The following ARID5B variants were observed in gnomAD, a reference collection of about 807,000 sequenced individuals.
ARID5B encodes AT-rich interactive domain-containing protein 5B.
ARID5B carries 13 observed loss-of-function variants against 97.2 expected under a neutral mutation model. The observed-to-expected ratio is 0.13, with a 90% confidence interval of 0.09 to 0.21. ARID5B has a LOEUF of 0.21. ARID5B is among the 10% of genes least tolerant of loss of function. ARID5B has a pLI of 1.00. For missense variants in ARID5B, 1,210 were observed against 1,465.3 expected (o/e 0.83, Z 2.84); for synonymous variants, 556 against 570.3 (o/e 0.97, Z 0.36).
At chr10:61,992,282 C>T (rs113312868) in intron 3 of ARID5B, among the ~76,000 whole-genome samples, 3,520 of 152,178 alleles carry the variant, frequency 0.023, 126 homozygotes, top group African/African-American at 0.08. Flanking sequence ...AAGTGGCTCC[C>T]GGTCGTGGCT....
intron 7 of ARID5B, among the ~76,000 whole-genome samples, chr10:62,063,158 T>G (rs2132945941): frequency 6.6e-6 from 1 of 152,338 alleles, no homozygotes; most frequent in Middle Eastern, 3.4e-3. Flanking sequence ...TCTTTTAGTC[T>G]GTTTTTTGTA....
intron 4 of ARID5B, among the ~76,000 whole-genome samples, chr10:62,025,811 GAAA>G (rs750842683): frequency 5.4e-4 from 32 of 59,612 alleles, no homozygotes; most frequent in East Asian, 3.9e-3. Context: ...GAGTGGAAGC[GAAA>G]AAAAAAAAAA....
chr10:62,084,439 T>G (rs1482810014), intron 8 of ARID5B, among the ~76,000 whole-genome samples: 1 of 152,238 alleles, frequency 6.6e-6, no homozygotes, highest in Non-Finnish European at 1.5e-5. Context: ...AATCTTAGTT[T>G]AAAAATAATC....
intron 4 of ARID5B, among the ~76,000 whole-genome samples, chr10:62,032,163 T>C (rs117320062): frequency 0.021 from 3,192 of 151,958 alleles, 52 homozygotes; most frequent in Non-Finnish European, 0.032. Flanking sequence ...AATATAAAAA[T>C]AAAAAAGTAG....
At chr10:62,038,227 T>C (rs1223043353) in intron 4 of ARID5B, among the ~76,000 whole-genome samples, 2 of 152,122 alleles carry the variant, frequency 1.3e-5, no homozygotes, top group African/African-American at 4.8e-5. Context: ...AAATACCCAA[T>C]TGGGTAACTG....
At chr10:61,999,148 G>T (rs1255418410) in intron 3 of ARID5B, among the ~76,000 whole-genome samples, 2 of 152,164 alleles carry the variant, frequency 1.3e-5, no homozygotes, top group African/African-American at 4.8e-5. Flanking sequence ...CTTTCCACAG[G>T]CCCAAAAGGA....
At position 62,000,990 on chromosome 10, in the gene ARID5B, G is replaced by C. The variant is rs1316450548; in HGVS notation, c.733+669G>C. On this transcript the variant is annotated intron_variant, in intron 4 of 9. Transcript: ENST00000279873. This position sits in a 1 kb window ranked among gnomAD's most constrained non-coding sequence, Gnocchi z 4.4. ...GATACATATCTTAATCTGCATCTCT[G>C]CCTAGCTAACTGGTCACGTGTCTCT... Among the ~76,000 whole-genome samples the C allele has an allele frequency of 6.6e-6, 1 of 152,124 alleles. No individual in the cohort carries two copies. The highest frequency in any genetic ancestry group is 1.5e-5 in the Non-Finnish European group (1 of 68,024).
chr10:62,063,302 T>C (rs767381026), intron 7 of ARID5B, among the ~76,000 whole-genome samples: 3 of 152,168 alleles, frequency 2.0e-5, no homozygotes, highest in Admixed American at 6.5e-5. Flanking sequence ...AGTAAAAAAC[T>C]GCAAGTATAA....
At chr10:61,938,964 AGTGT>A (rs60329829) in intron 2 of ARID5B, among the ~76,000 whole-genome samples, 14,326 of 125,044 alleles carry the variant, frequency 0.11, 884 homozygotes, top group African/African-American at 0.17. Context: ...GAATTGGAGA[AGTGT>A]GTGTGTGTGT....
chr10:61,924,648 CT>C (rs1459110129), intron 2 of ARID5B, among the ~76,000 whole-genome samples: 1 of 152,058 alleles, frequency 6.6e-6, no homozygotes, highest in African/African-American at 2.4e-5. Context: ...TAAACAGAGG[CT>C]ACAGAAAACA....
intron 3 of ARID5B, among the ~76,000 whole-genome samples, chr10:61,961,159 TA>T (rs1482943589): frequency 1.2e-4 from 19 of 152,236 alleles, no homozygotes; most frequent in African/African-American, 4.3e-4. Flanking sequence ...ACTGTTTTAT[TA>T]TTTACTTAAT....
At chr10:61,975,367 G>T (rs550609034) in intron 3 of ARID5B, among the ~76,000 whole-genome samples, 3 of 152,308 alleles carry the variant, frequency 2.0e-5, no homozygotes, top group African/African-American at 7.2e-5. Flanking sequence ...TTTTTTAAAA[G>T]GATCCCAGTT....
rs2132899991 is a variant in ARID5B, at chr10:62,027,552, A to T, written c.734-23336A>T. On this transcript the variant is annotated intron_variant, in intron 4 of 9. Coordinates refer to ENST00000279873, the MANE Select transcript of ARID5B (RefSeq NM_032199.3). ...ATCATCTCAATCTCCTGACCTGGTG[A>T]TCTGCCCACTTCGGCCTCCCAAAGT... is the stretch of plus-strand genomic sequence containing the variant. Among the ~76,000 whole-genome samples the T allele has an allele frequency of 1.3e-5, 2 of 151,710 alleles. 1 individual carries two copies. Among genetic ancestry groups the T allele is most frequent in the South Asian group, 4.2e-4 (2 of 4,792 alleles).
At chr10:62,050,819 T>C in intron 4 of ARID5B, 69 bp from the exon 5 acceptor site, 1 of 1,315,366 alleles carries the variant, frequency 7.6e-7, no homozygotes, top group South Asian at 1.2e-5. Flanking sequence ...TGTAGTGAGA[T>C]TCTGGGTCTT....
At chr10:62,011,898 G>A (rs998277941) in intron 4 of ARID5B, among the ~76,000 whole-genome samples, 2 of 152,026 alleles carry the variant, frequency 1.3e-5, no homozygotes, top group South Asian at 2.1e-4. Context: ...TGAAGGGCAC[G>A]GCATCACAGC....
At chr10:61,982,509 T>A (rs1029489296) in intron 3 of ARID5B, among the ~76,000 whole-genome samples, 2 of 152,040 alleles carry the variant, frequency 1.3e-5, no homozygotes, top group African/African-American at 4.8e-5. Context: ...TTAAAAAAAA[T>A]GCTTTTAAAG....
Position 62,090,940 on chromosome 10 carries a change from A to G in ARID5B, c.1477A>G (p.Met493Val). 17 of 1,614,142 alleles carry G rather than the reference A, an allele frequency of 1.1e-5. No homozygotes were observed. The highest frequency in any genetic ancestry group is 1.4e-5 in the Non-Finnish European group (17 of 1,180,014). ...CCCTGAGCCTCTCCCAGCAGCAGAC[A>G]TGAAGAAAAAAATAGAAGGGTATCA... ...SIPEPLPAADMKKKIEGYQEF... is the reference protein window; with the variant it reads ...SIPEPLPAADVKKKIEGYQEF... Residue 493 changes from methionine to valine, a missense_variant, in exon 10 of 10, where the codon ATG (methionine) becomes GTG (valine). Physicochemically the swap from Met to Val is conservative, Grantham distance 21. This residue lies in a region of ARID5B where 800 missense variants were observed against 839.1 expected (regional missense o/e 0.95). Coordinates refer to ENST00000279873, the MANE Select transcript of ARID5B (RefSeq NM_032199.3).
intron 2 of ARID5B, among the ~76,000 whole-genome samples, chr10:61,903,428 G>C (rs1843653664): frequency 6.6e-6 from 1 of 152,234 alleles, no homozygotes; most frequent in African/African-American, 2.4e-5. Flanking sequence ...AGTTCTGCGG[G>C]CTCCCCTCCT....
At chr10:61,908,799 C>CAAAA (rs369792859) in intron 2 of ARID5B, among the ~76,000 whole-genome samples, 14,166 of 50,766 alleles carry the variant, frequency 0.28, 2,087 homozygotes, top group Non-Finnish European at 0.35. Flanking sequence ...GACTCCATCT[C>CAAAA]AAAAAAAAAA....
Sources: gnomAD v4.1 joint callset for allele counts (sites outside exome capture counted in the v4.1 genomes callset) on GRCh38, gnomAD v4.1.1 for gene constraint, gnomAD v4.1.1 regional missense constraint, Gnocchi (gnomAD v3.1) non-coding constraint, MANE v1.5 for transcripts, NCBI Gene and HGNC (gene_info 2026-07-23, HGNC 2026-07-21) for gene names.